Variants in DGKE observed in about 807,000 individuals in gnomAD.
The protein encoded by DGKE is DAG kinase epsilon.
In DGKE, 53 loss-of-function variants were observed where a neutral mutation model predicts 70.0. The ratio of observed to expected loss-of-function variants is 0.76; its 90% CI spans 0.61 to 0.95. DGKE has a LOEUF of 0.95. DGKE is among the 40% of genes least tolerant of loss of function. The pLI, the probability that DGKE is intolerant of heterozygous loss-of-function variation, is 0.00. For synonymous variants in DGKE, 291 were observed against 257.0 expected (o/e 1.13, Z -1.27); for missense variants, 655 against 706.9 (o/e 0.93, Z 0.83).
At position 56,858,568 on chromosome 17, in the gene DGKE, T is replaced by C. The variant is rs746574340; in HGVS notation, c.1213-26T>C. ...TTTACAGGGTTAGATTGTTTTAATA[T>C]TATATTTTCTGTCCATTTTTCATAG... On this transcript the variant is annotated intron_variant, in intron 8 of 11. Transcript: ENST00000284061. 5.8e-6 allele frequency: 9 copies of C among 1,561,372 alleles called. No individual in the cohort carries two copies. In the African/African-American group the frequency reaches 1.1e-4, roughly 19 times the overall value.
rs1908568863 is a variant in DGKE, at chr17:56,867,459, C to T, written c.*4668C>T. The T allele has an allele frequency of 6.6e-6, 1 of 152,088 alleles. No homozygotes were observed. The allele number at this position is 152,088 out of a possible 1,614,324, so 9.4% of individuals were successfully genotyped here. A position where few individuals can be genotyped will look rare whatever the true frequency, so the allele number is the denominator to read the frequency against. ...TACTAAAAATACAAAAAAAATTAGC[C>T]AGGTACATTGGCACATGCCTTTAAT... On this transcript the variant is annotated 3_prime_UTR_variant, in exon 12 of 12. Coordinates refer to ENST00000284061, the MANE Select transcript of DGKE (RefSeq NM_003647.3).
intron 1 of DGKE, among the ~76,000 whole-genome samples, chr17:56,834,576 A>G (rs1164595936): frequency 6.6e-6 from 1 of 151,504 alleles, no homozygotes; most frequent in Non-Finnish European, 1.5e-5. Flanking sequence ...CGGGTTGGGG[A>G]GTGGGGATTG....
chr17:56,836,830 G>A (rs1375327219), intron 2 of DGKE, among the ~76,000 whole-genome samples: 1 of 152,190 alleles, frequency 6.6e-6, no homozygotes, highest in Non-Finnish European at 1.5e-5. Context: ...TAAGCTTCTT[G>A]TAATTTCCTT....
intron 8 of DGKE, among the ~76,000 whole-genome samples, chr17:56,856,881 T>C (rs1907984102): frequency 6.6e-6 from 1 of 152,054 alleles, no homozygotes; most frequent in Non-Finnish European, 1.5e-5. Context: ...GGTGGATCAC[T>C]TGAGGTCAGG....
chr17:56,858,160 C>T (rs537132817), intron 8 of DGKE, among the ~76,000 whole-genome samples: 1 of 151,862 alleles, frequency 6.6e-6, no homozygotes, highest in African/African-American at 2.4e-5. Context: ...AATGGAATGG[C>T]CTGTATTGTC....
At position 56,862,837 on chromosome 17, in the gene DGKE, G is replaced by A; in HGVS notation, c.*46G>A. 1 of 1,403,774 alleles carries A rather than the reference G, an allele frequency of 7.1e-7. No homozygotes were observed. The highest frequency in any genetic ancestry group is 9.3e-7 in the Non-Finnish European group (1 of 1,077,570). The allele number at this position is 1,403,774 out of a possible 1,614,324, so 87.0% of individuals were successfully genotyped here. On this transcript the variant is annotated 3_prime_UTR_variant, in exon 12 of 12. Transcript: ENST00000284061. The stretch of plus-strand genomic sequence containing the variant: ...TTTGCATAGAATCCTCACGCAAGTA[G>A]ATACATGTTCATCCAAAAGTATTAA...
chr17:56,855,435 C>G (rs1907886551), intron 7 of DGKE, among the ~76,000 whole-genome samples: 1 of 152,022 alleles, frequency 6.6e-6, no homozygotes, highest in African/African-American at 2.4e-5. Context: ...ACCTGAGGAT[C>G]TCACTTTTTT....
intron 2 of DGKE, among the ~76,000 whole-genome samples, chr17:56,841,160 A>T (rs1363183778): frequency 1.3e-5 from 2 of 151,946 alleles, no homozygotes; most frequent in African/African-American, 4.8e-5. Context: ...CTGAGGCAGG[A>T]GAATCACTTG....
Position 56,845,748 on chromosome 17 carries a change from G to A in DGKE, c.683G>A (p.Ser228Asn). 6.2e-7 allele frequency: 1 copy of A among 1,612,852 alleles called. No homozygotes were observed. The highest frequency in any genetic ancestry group is 8.5e-7 in the Non-Finnish European group (1 of 1,179,316). Residue 228 changes from serine to asparagine, a missense_variant, in exon 4 of 12, where the codon AGT becomes AAT. Physicochemically the swap from Ser to Asn is conservative, Grantham distance 46 (BLOSUM62 1). Coordinates refer to ENST00000284061, the MANE Select transcript of DGKE (RefSeq NM_003647.3). The stretch of plus-strand genomic sequence containing the variant: ...TTAATAATCCTGGCCAACTCTCGTA[G>A]TGGAACTAATATGGGAGAAGGACTG... ...TPLIILANSR[S>N]GTNMGEGLLG...
rs1340500871 is a variant in DGKE at position 56,835,222 on chromosome 17, C to G, written c.427C>G (p.Gln143Glu). Reference sequence around the variant, plus strand: ...GTGCAGTTACTGTATGGTTTGCAAGCAGCAGTGTGGCTGTCAACCCAAGCT... The same window carrying G: ...GTGCAGTTACTGTATGGTTTGCAAGGAGCAGTGTGGCTGTCAACCCAAGCT... Reference protein sequence around the residue: ...PLCSYCMVCKQQCGCQPKLCD... With the variant: ...PLCSYCMVCKEQCGCQPKLCD... Residue 143 changes from glutamine to glutamate, a missense_variant, in exon 2 of 12, where the codon CAG (glutamine) becomes GAG (glutamate). Gln to Glu is a conservative substitution (Grantham distance 29). Coordinates refer to ENST00000284061, the MANE Select transcript of DGKE (RefSeq NM_003647.3). 1.9e-5 allele frequency: 31 copies of G among 1,613,300 alleles called. No homozygotes were observed. The highest frequency in any genetic ancestry group is 2.6e-5 in the Non-Finnish European group (31 of 1,179,904).
At chr17:56,838,236 AG>A (rs1906751216) in intron 2 of DGKE, among the ~76,000 whole-genome samples, 1 of 152,238 alleles carries the variant, frequency 6.6e-6, no homozygotes. Context: ...GATTGGCCTC[AG>A]TGTAACTAGT....
At chr17:56,853,682 T>G (rs942195208) in intron 7 of DGKE, among the ~76,000 whole-genome samples, 1 of 152,214 alleles carries the variant, frequency 6.6e-6, no homozygotes, top group Non-Finnish European at 1.5e-5. Context: ...GGCAAGGATG[T>G]GGAAAAGAGA....
rs1908473106 is a variant in DGKE at position 56,864,962 on chromosome 17, C to T, written c.*2171C>T. 1 of 152,054 alleles carries T rather than the reference C, an allele frequency of 6.6e-6. No individual in the cohort carries two copies. 9.4% of individuals were successfully genotyped at this position (152,054 alleles called of 1,614,324 possible). On this transcript the variant is annotated 3_prime_UTR_variant, in exon 12 of 12. Coordinates refer to ENST00000284061, the MANE Select transcript of DGKE (RefSeq NM_003647.3). Reference sequence around the variant, plus strand: ...TTATTGTAATCTAGTAAGGTTTTTGCATCACTACTGGTCTGTCATGAAGTT... The same window carrying T: ...TTATTGTAATCTAGTAAGGTTTTTGTATCACTACTGGTCTGTCATGAAGTT...
At chr17:56,862,569 T>TG (rs1435272883) in intron 11 of DGKE, 43 bp from the exon 12 acceptor site, 1 of 1,449,752 alleles carries the variant, frequency 6.9e-7, no homozygotes, top group Non-Finnish European at 9.1e-7. Context: ...TTTCTAAATT[T>TG]GGGGGGACTG....
intron 2 of DGKE, among the ~76,000 whole-genome samples, chr17:56,838,123 C>T (rs1033852661): frequency 6.6e-6 from 1 of 152,102 alleles, no homozygotes; most frequent in Non-Finnish European, 1.5e-5. Context: ...ACTTAAAGTG[C>T]TTTTTAATTT....
intron 8 of DGKE, among the ~76,000 whole-genome samples, 181 bp from the exon 9 acceptor site, chr17:56,858,413 C>A (rs1908081437): frequency 6.6e-6 from 1 of 152,164 alleles, no homozygotes; most frequent in Non-Finnish European, 1.5e-5. Flanking sequence ...TTGGATAGGG[C>A]CAGAGGTTGC....
At chr17:56,836,266 C>A (rs1238933780) in intron 2 of DGKE, 3 of 151,976 alleles carry the variant, frequency 2.0e-5, no homozygotes, top group Admixed American at 2.0e-4. Context: ...AATGTCAATA[C>A]CTGTTTTTAA....
At position 56,861,879 on chromosome 17, in the gene DGKE, T is replaced by C. The variant is rs1908312811; in HGVS notation, c.1373T>C (p.Leu458Pro). The C allele has an allele frequency of 1.2e-6, 2 of 1,613,690 alleles. No individual in the cohort carries two copies. Among genetic ancestry groups the C allele is most frequent in the Non-Finnish European group, 1.7e-6 (2 of 1,179,906 alleles). ...NIGYWGGGCR[L>P]WEGMGDETYP... The stretch of plus-strand genomic sequence containing the variant: ...GGATACTGGGGCGGTGGCTGCAGAC[T>C]ATGGGAAGGGATGGGGGACGAGACT... The change falls in exon 10 of 12, where the codon CTA becomes CCA. Residue 458 changes from leucine to proline, a missense_variant. Leu to Pro is a moderately conservative substitution (Grantham distance 98). Coordinates refer to ENST00000284061, the MANE Select transcript of DGKE (RefSeq NM_003647.3).
At chr17:56,855,833 A>G (rs1907907913) in intron 7 of DGKE, among the ~76,000 whole-genome samples, 2 of 151,930 alleles carry the variant, frequency 1.3e-5, no homozygotes, top group Non-Finnish European at 2.9e-5. Flanking sequence ...GTGAAACCCC[A>G]TCTCTACTAA....
Sources: allele counts gnomAD v4.1 joint callset (sites outside exome capture counted in the v4.1 genomes callset), GRCh38; gene constraint gnomAD v4.1.1; transcripts MANE v1.5; gene names NCBI Gene and HGNC (gene_info 2026-07-23, HGNC 2026-07-21).